Variants in PITPNM2 observed in about 807,000 individuals in gnomAD.
PITPNM2 encodes the protein membrane-associated phosphatidylinositol transfer protein 2.
A neutral mutation model predicts 132.2 loss-of-function variants in PITPNM2; 35 were observed. The observed-to-expected ratio is 0.26, with a 90% CI of 0.20 to 0.35. The LOEUF is 0.35. PITPNM2 is among the 10% of genes least tolerant of loss of function. PITPNM2 has a pLI of 1.00. For missense variants in PITPNM2, 1,332 were observed against 1,912.0 expected (o/e 0.70, Z 5.66); for synonymous variants, 738 against 799.2 (o/e 0.92, Z 1.29).
At chr12:123,086,401 T>G (rs982664431) in intron 2 of PITPNM2, among the ~76,000 whole-genome samples, 15 of 152,164 alleles carry the variant, frequency 9.9e-5, no homozygotes, top group African/African-American at 3.4e-4. Flanking sequence ...AGATGATGTA[T>G]AGTAAGTGTT....
chr12:123,130,705 A>T (rs986644196), intron 1 of PITPNM2, among the ~76,000 whole-genome samples: 1 of 152,122 alleles, frequency 6.6e-6, no homozygotes, highest in Non-Finnish European at 1.5e-5. Flanking sequence ...GCGTGAACCC[A>T]GGAGGCGGAG....
chr12:123,140,274 G>C lies in PITPNM2; in HGVS notation c.-200+10479C>G, dbSNP rs73413285. Among the ~76,000 whole-genome samples, 983 of 152,268 alleles carry C rather than the reference G, an allele frequency of 6.5e-3. 14 individuals carry two copies. Among genetic ancestry groups the C allele is most frequent in the African/African-American group, 0.022 (928 of 41,544 alleles). ...TAATCCTCTTAGCCCAGTGGCCACA[G>C]GCCCTTCTGCTCCTTCAGCCCAGAA... On this transcript the variant is annotated intron_variant, in intron 1 of 25. Coordinates refer to ENST00000320201, the MANE Select transcript of PITPNM2 (RefSeq NM_020845.3).
chr12:123,004,140 G>T lies in PITPNM2; in HGVS notation c.1048+254C>A, dbSNP rs2038813146. Among the ~76,000 whole-genome samples the T allele has an allele frequency of 6.6e-6, 1 of 152,186 alleles. No homozygotes were observed. Among genetic ancestry groups the T allele is most frequent in the Non-Finnish European group, 1.5e-5 (1 of 68,028 alleles). On this transcript the variant is annotated intron_variant, in intron 8 of 25. Coordinates refer to ENST00000320201, the MANE Select transcript of PITPNM2 (RefSeq NM_020845.3). The surrounding 1 kb of genome is among the most constrained non-coding windows in gnomAD (Gnocchi z 4.9). ...GGTTTCAAGAGCGCAGTCCCCATCTGCCAGGCCCACAGCACATCCTGATAT... is the reference window on the plus strand; with the variant it reads ...GGTTTCAAGAGCGCAGTCCCCATCTTCCAGGCCCACAGCACATCCTGATAT...
At chr12:123,060,343 G>A (rs541588466) in intron 2 of PITPNM2, among the ~76,000 whole-genome samples, 15 of 152,264 alleles carry the variant, frequency 9.9e-5, no homozygotes, top group African/African-American at 2.9e-4. Context: ...GACCCAGCCC[G>A]TCTGGGTGCC....
At chr12:123,067,546 G>A (rs973577614) in intron 2 of PITPNM2, among the ~76,000 whole-genome samples, 1 of 152,068 alleles carries the variant, frequency 6.6e-6, no homozygotes, top group East Asian at 1.9e-4. Flanking sequence ...AGAAGGCCAT[G>A]TGAAGGCAGA....
rs1180656736 is a variant in PITPNM2, at chr12:123,083,196, A to C, written c.-96+27189T>G. 6.6e-6 allele frequency: 1 copy of C among 152,230 alleles called. No individual in the cohort carries two copies. The allele number at this position is 152,230 out of a possible 1,614,324, so 9.4% of individuals were successfully genotyped here. On this transcript the variant is annotated intron_variant, in intron 2 of 25. Transcript: ENST00000320201. This position sits in a 1 kb window ranked among gnomAD's most constrained non-coding sequence, Gnocchi z 4.5. Reference sequence around the variant, plus strand: ...CATAGTGAGACCCCATCTCTAAAAAAAAACAAAAAAGTTTTTAACTCTCTG... The same window carrying C: ...CATAGTGAGACCCCATCTCTAAAAACAAACAAAAAAGTTTTTAACTCTCTG...
At chr12:123,110,831 A>T (rs1227506897) in intron 1 of PITPNM2, among the ~76,000 whole-genome samples, 1 of 152,206 alleles carries the variant, frequency 6.6e-6, no homozygotes. Context: ...TTTTTCACTC[A>T]TGAACCCCAC....
intron 1 of PITPNM2, among the ~76,000 whole-genome samples, chr12:123,148,774 A>G (rs2043669524): frequency 6.6e-6 from 1 of 152,152 alleles, no homozygotes; most frequent in African/African-American, 2.4e-5. Flanking sequence ...AGGAGCTCAC[A>G]GTCTAGTGGG....
intron 2 of PITPNM2, among the ~76,000 whole-genome samples, chr12:123,053,349 C>T (rs963696644): frequency 1.7e-4 from 26 of 152,186 alleles, no homozygotes; most frequent in African/African-American, 5.8e-4. Context: ...AGTGTTCTTA[C>T]TGCCGTTTAG....
At chr12:123,034,448 T>C in intron 3 of PITPNM2, 65 bp downstream of exon 3, 9 of 1,463,330 alleles carry the variant, frequency 6.2e-6, no homozygotes, top group Non-Finnish European at 1.9e-6. Context: ...CTAACCCACA[T>C]GTGGTGTCTG....
Position 123,097,072 on chromosome 12 carries a change from C to T in PITPNM2, c.-96+13313G>A, listed in dbSNP as rs1378091084. Among the ~76,000 whole-genome samples, 4 of 152,032 alleles carry T rather than the reference C, an allele frequency of 2.6e-5. No homozygotes were observed. The highest frequency in any genetic ancestry group is 5.9e-5 in the Non-Finnish European group (4 of 68,002). ...AATTTATTTTTTTGGTATGGAGTCT[C>T]GCTCTTGTCGCCCAGGTTTGAGTGC... is the stretch of plus-strand genomic sequence containing the variant. On this transcript the variant is annotated intron_variant, in intron 2 of 25. Coordinates refer to ENST00000320201, the MANE Select transcript of PITPNM2 (RefSeq NM_020845.3). The surrounding 1 kb of genome is among the most constrained non-coding windows in gnomAD (Gnocchi z 4.7).
intron 2 of PITPNM2, among the ~76,000 whole-genome samples, chr12:123,105,110 C>T (rs2042675195): frequency 6.6e-6 from 1 of 152,112 alleles, no homozygotes; most frequent in African/African-American, 2.4e-5. Context: ...GGGCCTTTCT[C>T]CCTGAGCTAC....
chr12:123,000,894 C>T lies in PITPNM2; in HGVS notation c.1154-46G>A, dbSNP rs780108885. 17 of 1,608,776 alleles carry T rather than the reference C, an allele frequency of 1.1e-5. No individual in the cohort carries two copies. The East Asian group carries it at 3.6e-4, about 34-fold the overall frequency. The stretch of plus-strand genomic sequence containing the variant: ...TGCTGTGAGCTGAGGGGCAGCCCAA[C>T]CTGGCCGACCGGACAGAGGCTGCAA... On this transcript the variant is annotated intron_variant, in intron 9 of 25. Transcript: ENST00000320201. This position sits in a 1 kb window ranked among gnomAD's most constrained non-coding sequence, Gnocchi z 5.4.
rs2038838503 is a variant in PITPNM2 at position 123,004,523 on chromosome 12, G to A, written c.953-34C>T. 1.2e-6 allele frequency: 2 copies of A among 1,606,296 alleles called. No individual in the cohort carries two copies. Among genetic ancestry groups the A allele is most frequent in the African/African-American group, 2.7e-5 (2 of 74,798 alleles). On this transcript the variant is annotated intron_variant, in intron 7 of 25. Coordinates refer to ENST00000320201, the MANE Select transcript of PITPNM2 (RefSeq NM_020845.3). The surrounding 1 kb of genome is among the most constrained non-coding windows in gnomAD (Gnocchi z 4.9). The stretch of plus-strand genomic sequence containing the variant: ...CAAAACCCCAGATTGACCGCCAACT[G>A]GAGAGGAAGGGCCCAGAGGCTGCCC...
intron 1 of PITPNM2, among the ~76,000 whole-genome samples, chr12:123,123,649 T>A (rs1373451746): frequency 1.3e-5 from 2 of 151,946 alleles, no homozygotes; most frequent in Non-Finnish European, 2.9e-5. Context: ...AAATTAAATT[T>A]TTAGGCCGGG....
rs2038289501 is a variant in PITPNM2 at position 122,993,510 on chromosome 12, T to C, written c.2234-841A>G. 6.6e-6 allele frequency among the ~76,000 whole-genome samples: 1 copy of C among 152,252 alleles called. No homozygotes were observed. Among genetic ancestry groups the C allele is most frequent in the Non-Finnish European group, 1.5e-5 (1 of 68,040 alleles). ...ACACAAAAAATGTTGGCGTCTTTCA[T>C]GTCAGCACGTCTAGTTTCTCCTTGC... On this transcript the variant is annotated intron_variant, in intron 15 of 25. Coordinates refer to ENST00000320201, the MANE Select transcript of PITPNM2 (RefSeq NM_020845.3). The surrounding 1 kb of genome is among the most constrained non-coding windows in gnomAD (Gnocchi z 5.2).
chr12:122,986,220 A>C lies in PITPNM2; in HGVS notation c.3857T>G (p.Phe1286Cys), dbSNP rs897569737. 1 of 1,566,750 alleles carries C rather than the reference A, an allele frequency of 6.4e-7. No individual in the cohort carries two copies. Among genetic ancestry groups the C allele is most frequent in the African/African-American group, 1.3e-5 (1 of 74,366 alleles). Residue 1286 changes from phenylalanine to cysteine, a missense_variant, in exon 26 of 26, where the codon TTT (phenylalanine) becomes TGT (cysteine). Around this residue, in one of 6 missense-constraint regions of PITPNM2, gnomAD observed 163 missense variants for 177.2 expected, o/e 0.92. Coordinates refer to ENST00000320201, the MANE Select transcript of PITPNM2 (RefSeq NM_020845.3). Reference sequence around the variant, plus strand: ...AAGCAGGTGGTTCCGGGAGCGCAGAAAGTCGCCCTGGCCGGGCAGGCCGAA... The same window carrying C: ...AAGCAGGTGGTTCCGGGAGCGCAGACAGTCGCCCTGGCCGGGCAGGCCGAA... ...GSFGLPGQGD[F>C]LRSRNHLLRT... is the part of the protein sequence containing the mutation.
chr12:123,106,302 T>G lies in PITPNM2; in HGVS notation c.-96+4083A>C, dbSNP rs2042708617. Among the ~76,000 whole-genome samples the G allele has an allele frequency of 6.6e-6, 1 of 152,024 alleles. No individual in the cohort carries two copies. The highest frequency in any genetic ancestry group is 1.5e-5 in the Non-Finnish European group (1 of 67,988). On this transcript the variant is annotated intron_variant, in intron 2 of 25. Transcript: ENST00000320201. The surrounding 1 kb of genome is among the most constrained non-coding windows in gnomAD (Gnocchi z 4.4). ...ACTCAGGAGGCTGAGGTGGGAGGAC[T>G]GCTTAAGCCCAGGAATTCAAGGCTG...
Position 123,005,320 on chromosome 12 carries a change from T to C in PITPNM2, c.872A>G (p.Asn291Ser). ...SGEPPEPSSS[N>S]GEPLVGRGLK... is the part of the protein sequence containing the mutation. Reference sequence around the variant, plus strand: ...GCCGCGCCCCACTAGGGGCTCCCCATTGCTGCTGCTGGGCTCCGGGGGCTC... The same window carrying C: ...GCCGCGCCCCACTAGGGGCTCCCCACTGCTGCTGCTGGGCTCCGGGGGCTC... Residue 291 changes from asparagine to serine, a missense_variant, in exon 7 of 26, where the codon AAT (asparagine) becomes AGT (serine). This residue lies in a region of PITPNM2 where 710 missense variants were observed against 911.5 expected (regional missense o/e 0.78). Transcript: ENST00000320201. This position sits in a 1 kb window ranked among gnomAD's most constrained non-coding sequence, Gnocchi z 6.2. The C allele has an allele frequency of 6.2e-7, 1 of 1,614,058 alleles. No homozygotes were observed. The highest frequency in any genetic ancestry group is 1.1e-5 in the South Asian group (1 of 91,074).
Sources: allele counts gnomAD v4.1 joint callset (sites outside exome capture counted in the v4.1 genomes callset), GRCh38; gene constraint gnomAD v4.1.1; regional missense constraint gnomAD v4.1.1; non-coding constraint Gnocchi (gnomAD v3.1); transcripts MANE v1.5; gene names NCBI Gene and HGNC (gene_info 2026-07-23, HGNC 2026-07-21).